RICTOR: variants seen among roughly 807,000 people sequenced by gnomAD.
The protein encoded by RICTOR is rapamycin-insensitive companion of mTOR.
RICTOR carries 49 observed loss-of-function variants against 214.9 expected under a neutral mutation model. That is an observed-to-expected ratio of 0.23 (90% CI 0.18 to 0.29). The LOEUF (loss-of-function observed/expected upper bound fraction) is 0.29. RICTOR is among the 10% of genes least tolerant of loss of function. RICTOR has a pLI of 1.00. For synonymous variants in RICTOR, 717 were observed against 711.3 expected (o/e 1.01, Z -0.13); for missense variants, 1,625 against 2,047.0 (o/e 0.79, Z 3.98).
Position 38,953,077 on chromosome 5 carries a change from T to C in RICTOR, c.2805A>G (p.Ser935=), listed in dbSNP as rs981965618. Reference sequence around the variant, plus strand: ...GTAGCAAATTGAGACCCCAATTTGATGAGCCGATATTTCCCTGAAAGAAAA... The same window carrying C: ...GTAGCAAATTGAGACCCCAATTTGACGAGCCGATATTTCCCTGAAAGAAAA... The part of the protein sequence containing the change: ...ASLWALGNIG[S]SNWGLNLLQE... The change falls in exon 29 of 38, where the codon TCA becomes TCG. Residue 935 remains serine (S), a synonymous_variant. Coordinates refer to ENST00000357387, the MANE Select transcript of RICTOR (RefSeq NM_152756.5). The C allele has an allele frequency of 6.9e-6, 11 of 1,603,590 alleles. No individual in the cohort carries two copies. Among genetic ancestry groups the C allele is most frequent in the East Asian group, 6.7e-5 (3 of 44,672 alleles).
In RICTOR at chr5:38,949,771, T is replaced by A. The variant is rs144907404; in HGVS notation, c.4077A>T (p.Leu1359=). 6.2e-7 allele frequency: 1 copy of A among 1,613,394 alleles called. No homozygotes were observed. Among genetic ancestry groups the A allele is most frequent in the South Asian group, 1.1e-5 (1 of 91,066 alleles). Reference sequence around the variant, plus strand: ...CCTTCATGGTGATGGTATCAGTAAATAGCACATCTTTTGCTGGAGATGCCA... The same window carrying A: ...CCTTCATGGTGATGGTATCAGTAAAAAGCACATCTTTTGCTGGAGATGCCA... ...EALASPAKDV[L]FTDTITMKAN... is the part of the protein sequence containing the mutation. Residue 1359 remains leucine, a synonymous_variant, in exon 31 of 38, where the codon CTA becomes CTT. Coordinates refer to ENST00000357387, the MANE Select transcript of RICTOR (RefSeq NM_152756.5).
rs1748588116 is a variant in RICTOR, at chr5:38,949,976, C to A, written c.3872G>T (p.Gly1291Val). Residue 1291 changes from glycine (G) to valine (V), a missense_variant, in exon 31 of 38, where the codon GGT becomes GTT. Gly to Val is a moderately radical substitution (Grantham distance 109). Transcript: ENST00000357387. ...KSNSVSLVPPGSSHTLPRRAQ... is the reference protein window; with the variant it reads ...KSNSVSLVPPVSSHTLPRRAQ... ...TCTTCTAGGAAGCGTATGAGAAGAA[C>A]CTGGAGGCACCAGGGACACCGAATT... 2 of 1,613,454 alleles carry A rather than the reference C, an allele frequency of 1.2e-6. No individual in the cohort carries two copies. Among genetic ancestry groups the A allele is most frequent in the African/African-American group, 2.7e-5 (2 of 74,940 alleles).
At chr5:38,967,268 T>C (rs763581504) in intron 13 of RICTOR, 41 bp from the exon 14 acceptor site, 67 of 1,597,828 alleles carry the variant, frequency 4.2e-5, no homozygotes, top group Non-Finnish European at 3.8e-5. Context: ...TAAAGTTTCA[T>C]AGATTACACA....
chr5:39,010,575 C>A (rs1205704757), intron 3 of RICTOR, among the ~76,000 whole-genome samples: 2 of 152,120 alleles, frequency 1.3e-5, no homozygotes, highest in Non-Finnish European at 2.9e-5. Context: ...ATGGCTTTGA[C>A]CAAATTGCTG....
intron 10 of RICTOR, among the ~76,000 whole-genome samples, chr5:38,973,159 G>T (rs1215765107): frequency 6.6e-6 from 1 of 152,048 alleles, no homozygotes; most frequent in East Asian, 1.9e-4. Context: ...CAATGATAAT[G>T]TTCTATATAT....
intron 2 of RICTOR, among the ~76,000 whole-genome samples, chr5:39,068,874 T>C (rs1263231302): frequency 1.3e-5 from 2 of 152,108 alleles, no homozygotes; most frequent in African/African-American, 4.8e-5. Context: ...GGTGCAAAGT[T>C]TTACACATCA....
intron 5 of RICTOR, among the ~76,000 whole-genome samples, chr5:38,997,127 A>G (rs1046274597): frequency 5.3e-5 from 8 of 152,208 alleles, no homozygotes; most frequent in Non-Finnish European, 2.9e-5. Context: ...ATAGTAATTT[A>G]CAAGACTACA....
intron 2 of RICTOR, among the ~76,000 whole-genome samples, chr5:39,035,563 A>G (rs1408366649): frequency 6.6e-6 from 1 of 152,184 alleles, no homozygotes; most frequent in Non-Finnish European, 1.5e-5. Flanking sequence ...CAAAGAAGTT[A>G]AAAACCTTGA....
intron 37 of RICTOR, 23 bp from the exon 38 acceptor site, chr5:38,942,401 T>C (rs1747667847): frequency 4.0e-6 from 6 of 1,486,640 alleles, no homozygotes; most frequent in Non-Finnish European, 5.6e-6. Flanking sequence ...TGGTGTATCA[T>C]CAATTACTTT....
At chr5:38,988,016 T>C (rs1012608159) in intron 7 of RICTOR, among the ~76,000 whole-genome samples, 1 of 152,170 alleles carries the variant, frequency 6.6e-6, no homozygotes, top group Non-Finnish European at 1.5e-5. Flanking sequence ...TTGTGCAGTT[T>C]TGAGTGAGTT....
chr5:39,021,228 TG>T, intron 2 of RICTOR, 92 bp from the exon 3 acceptor site: 1 of 767,650 alleles, frequency 1.3e-6, no homozygotes, highest in Non-Finnish European at 2.4e-6. Flanking sequence ...TTCACAACTT[TG>T]GCTCTTGGTT....
intron 10 of RICTOR, among the ~76,000 whole-genome samples, chr5:38,972,731 C>G (rs1194859318): frequency 2.0e-5 from 3 of 151,982 alleles, no homozygotes; most frequent in East Asian, 3.9e-4. Context: ...CATCCAATCT[C>G]AGACCCAGCA....
chr5:38,949,938 T>C lies in RICTOR; in HGVS notation c.3910A>G (p.Lys1304Glu). 6.2e-7 allele frequency: 1 copy of C among 1,613,568 alleles called. No homozygotes were observed. The highest frequency in any genetic ancestry group is 8.5e-7 in the Non-Finnish European group (1 of 1,179,654). ...TTAATTGTAGCAATAGAGGGTGCTT[T>C]AAGGGACTGTGCTCTTCTAGGAAGC... Reference protein sequence around the residue: ...HTLPRRAQSLKAPSIATIKSL... With the variant: ...HTLPRRAQSLEAPSIATIKSL... The change falls in exon 31 of 38, where the codon AAA becomes GAA. Residue 1304 changes from lysine (K) to glutamate (E), a missense_variant. Physicochemically the swap from Lys to Glu is moderately conservative, Grantham distance 56 (BLOSUM62 1). This residue lies in a region of RICTOR where 1,214 missense variants were observed against 1,470.5 expected (regional missense o/e 0.83). Coordinates refer to ENST00000357387, the MANE Select transcript of RICTOR (RefSeq NM_152756.5).
intron 10 of RICTOR, among the ~76,000 whole-genome samples, chr5:38,974,923 T>C (rs1378720288): frequency 2.0e-5 from 3 of 152,172 alleles, no homozygotes; most frequent in Non-Finnish European, 4.4e-5. Flanking sequence ...CCCTTCACAA[T>C]AATACTAAAT....
intron 3 of RICTOR, among the ~76,000 whole-genome samples, chr5:39,010,839 T>G (rs538062306): frequency 6.6e-6 from 1 of 152,306 alleles, no homozygotes; most frequent in African/African-American, 2.4e-5. Flanking sequence ...GTTTTATATA[T>G]TCACAAAGAT....
At chr5:38,998,793 T>C (rs927590913) in intron 5 of RICTOR, among the ~76,000 whole-genome samples, 4 of 152,066 alleles carry the variant, frequency 2.6e-5, no homozygotes, top group African/African-American at 9.7e-5. Context: ...GGCAGGCGGA[T>C]TGCTGGAGCT....
rs750339792 is a variant in RICTOR, at chr5:38,958,721, G to A, written c.2289C>T (p.Asn763=). Residue 763 remains asparagine (N), a synonymous_variant, in exon 23 of 38, where the codon AAC becomes AAT. Coordinates refer to ENST00000357387, the MANE Select transcript of RICTOR (RefSeq NM_152756.5). ...ELLVTQLHDK[N]KTISSEALDI... is the part of the protein sequence containing the mutation. ...CAAGAGCTTCAGAGGAAATCGTTTTGTTTTTATCATGTAGCTGGGTCACTA... is the reference window on the plus strand; with the variant it reads ...CAAGAGCTTCAGAGGAAATCGTTTTATTTTTATCATGTAGCTGGGTCACTA... 2 of 1,611,874 alleles carry A rather than the reference G, an allele frequency of 1.2e-6. No homozygotes were observed. Among genetic ancestry groups the A allele is most frequent in the East Asian group, 4.5e-5 (2 of 44,764 alleles).
intron 18 of RICTOR, 60 bp downstream of exon 18, chr5:38,962,425 T>A (rs959406374): frequency 8.5e-7 from 1 of 1,179,226 alleles, no homozygotes; most frequent in Non-Finnish European, 1.2e-6. Context: ...ATAAGATAAT[T>A]ACGTTATAAT....
In RICTOR at chr5:38,952,300, ACAT is replaced by A. The variant is rs765093673; in HGVS notation, c.3020_3022del (p.Asp1007del). 6.2e-7 allele frequency: 1 copy of A among 1,612,882 alleles called. No homozygotes were observed. On this transcript the variant is annotated inframe_deletion, in exon 30 of 38. Coordinates refer to ENST00000357387, the MANE Select transcript of RICTOR (RefSeq NM_152756.5). Reference sequence around the variant, plus strand: ...TGAAAGTTCATTACAGAGTTGTTCCACATCATCTGGAACCACTGGCCACAGATG... The same window carrying A: ...TGAAAGTTCATTACAGAGTTGTTCCACATCTGGAACCACTGGCCACAGATG...
Sources: gnomAD v4.1 joint callset for allele counts (sites outside exome capture counted in the v4.1 genomes callset) on GRCh38, gnomAD v4.1.1 for gene constraint, gnomAD v4.1.1 regional missense constraint, MANE v1.5 for transcripts, NCBI Gene and HGNC (gene_info 2026-07-23, HGNC 2026-07-21) for gene names.